The following PMS2 variants were observed in gnomAD, a reference collection of about 807,000 sequenced individuals.
The protein encoded by PMS2 is mismatch repair endonuclease PMS2.
PMS2 carries 69 observed loss-of-function variants against 90.0 expected under a neutral mutation model. The observed-to-expected ratio is 0.77, with a 90% CI of 0.63 to 0.94. PMS2 has a LOEUF of 0.94. PMS2 is among the 40% of genes least tolerant of loss of function. The probability of loss-of-function intolerance (pLI) is 0.00; values close to 1 mark genes in which losing one functional copy is unlikely to be tolerated. For synonymous variants in PMS2, 332 were observed against 375.1 expected (o/e 0.89, Z 1.33); for missense variants, 966 against 1,040.2 (o/e 0.93, Z 0.98).
At chr7:5,990,186 T>C (rs1783582225) in intron 9 of PMS2, among the ~76,000 whole-genome samples, 1 of 152,134 alleles carries the variant, frequency 6.6e-6, no homozygotes, top group Admixed American at 6.5e-5. Context: ...TTTTGTATTT[T>C]TAGTAGAGAT....
At chr7:6,009,063 C>G (rs1161964417), upstream of PMS2, 4 of 1,607,008 alleles carry the variant, frequency 2.5e-6, no homozygotes, top group Admixed American at 3.3e-5. Context: ...AAAGTTCCCT[C>G]CAGGGCTCCC....
intron 11 of PMS2, 146 bp downstream of exon 11, chr7:5,986,611 GAA>G: frequency 1.8e-6 from 1 of 565,984 alleles, no homozygotes; most frequent in Non-Finnish European, 3.0e-6. Flanking sequence ...AGAAACGCTT[GAA>G]CCCGGGAGGT....
At chr7:5,988,908 TGCAGTG>T (rs1230186440) in intron 10 of PMS2, among the ~76,000 whole-genome samples, 1 of 152,060 alleles carries the variant, frequency 6.6e-6, no homozygotes, top group Non-Finnish European at 1.5e-5. Flanking sequence ...CAGGCTGGAG[TGCAGTG>T]GCACAATCTT....
intron 2 of PMS2, among the ~76,000 whole-genome samples, chr7:6,004,642 G>C (rs1277069973): frequency 6.6e-6 from 1 of 151,386 alleles, no homozygotes; most frequent in Non-Finnish European, 1.5e-5. Flanking sequence ...TTGAACCCAG[G>C]AGGTGGAGGT....
At position 6,008,973 on chromosome 7, in the gene PMS2, C is replaced by T. The variant is rs1258175478; in HGVS notation, c.23+24G>A. On this transcript the variant is annotated intron_variant, in intron 1 of 14. Coordinates refer to ENST00000265849, the MANE Select transcript of PMS2 (RefSeq NM_000535.7). The stretch of plus-strand genomic sequence containing the variant: ...AAAGAGGGCGCGCGAGAGGGGACAC[C>T]GGAAGACTGCGAGCCCCGCTCACCT... 3 of 1,612,436 alleles carry T rather than the reference C, an allele frequency of 1.9e-6. No homozygotes were observed. In the Admixed American group the frequency reaches 5.0e-5, roughly 27 times the overall value.
chr7:5,990,359 T>C (rs796812288), intron 9 of PMS2, among the ~76,000 whole-genome samples: 1 of 152,230 alleles, frequency 6.6e-6, no homozygotes, highest in South Asian at 2.1e-4. Flanking sequence ...CATTCACTTG[T>C]ATTTATCACA....
intron 12 of PMS2, among the ~76,000 whole-genome samples, chr7:5,981,172 G>A (rs1782246936): frequency 1.3e-5 from 2 of 151,776 alleles, no homozygotes; most frequent in African/African-American, 2.4e-5. Context: ...CAGTTTGGCC[G>A]AGGAGAGAGA....
intron 10 of PMS2, among the ~76,000 whole-genome samples, chr7:5,988,307 A>G (rs961666090): frequency 1.1e-4 from 17 of 152,076 alleles, no homozygotes; most frequent in Non-Finnish European, 2.4e-4. Flanking sequence ...TGGCCGGCAC[A>G]GTGGCTCACG....
At chr7:5,996,033 C>T (rs1313458405) in intron 7 of PMS2, among the ~76,000 whole-genome samples, 2 of 152,118 alleles carry the variant, frequency 1.3e-5, no homozygotes, top group African/African-American at 4.8e-5. Flanking sequence ...TGCCCACATT[C>T]CCTCCCCTTT....
intron 5 of PMS2, among the ~76,000 whole-genome samples, chr7:6,001,739 T>C (rs1329198659): frequency 2.0e-5 from 3 of 151,988 alleles, no homozygotes; most frequent in Non-Finnish European, 4.4e-5. Context: ...ATCCCAGCAC[T>C]TTGAGAGGCC....
chr7:5,994,150 A>G (rs1264245775), intron 8 of PMS2, among the ~76,000 whole-genome samples: 1 of 152,034 alleles, frequency 6.6e-6, no homozygotes, highest in African/African-American at 2.4e-5. Flanking sequence ...CGGGAGGCCA[A>G]GGCAGGCAGA....
At chr7:6,000,664 A>G (rs1001131141) in intron 5 of PMS2, among the ~76,000 whole-genome samples, 1 of 152,134 alleles carries the variant, frequency 6.6e-6, no homozygotes, top group African/African-American at 2.4e-5. Context: ...TCTCTACTTT[A>G]GAAAATTTAA....
At chr7:6,003,412 G>T (rs1337337166) in intron 4 of PMS2, 4 of 324,124 alleles carry the variant, frequency 1.2e-5, no homozygotes, top group Non-Finnish European at 2.2e-5. Flanking sequence ...GAAAACCAAT[G>T]GTAACTATCA....
intron 7 of PMS2, among the ~76,000 whole-genome samples, chr7:5,995,958 C>T (rs1230777742): frequency 6.6e-6 from 1 of 152,168 alleles, no homozygotes; most frequent in African/African-American, 2.4e-5. Context: ...CAAATGCATT[C>T]TCAGAACCTC....
At chr7:5,986,636 G>T in intron 11 of PMS2, 123 bp downstream of exon 11, 1 of 727,036 alleles carries the variant, frequency 1.4e-6, no homozygotes, top group Admixed American at 3.2e-5. Context: ...AGGCTGCAGT[G>T]AGCCAAGATC....
intron 5 of PMS2, 57 bp from the exon 6 acceptor site, chr7:5,999,332 A>G (rs2128803052): frequency 6.8e-7 from 1 of 1,478,760 alleles, no homozygotes. Flanking sequence ...TAGGAATTAC[A>G]CAGCTCAAGT....
At chr7:5,979,337 G>A (rs1216980692) in intron 12 of PMS2, among the ~76,000 whole-genome samples, 1 of 146,714 alleles carries the variant, frequency 6.8e-6, no homozygotes, top group Non-Finnish European at 1.5e-5. Context: ...GTTGCAGTGA[G>A]CCAAGATCAC....
intron 14 of PMS2, among the ~76,000 whole-genome samples, chr7:5,977,330 G>C (rs1255296501): frequency 3.4e-5 from 5 of 147,398 alleles, no homozygotes; most frequent in African/African-American, 1.2e-4. Context: ...GCTGGGATTA[G>C]AGGCTTGAGC....
intron 5 of PMS2, among the ~76,000 whole-genome samples, chr7:5,999,885 T>C (rs535142251): frequency 1.8e-4 from 28 of 152,284 alleles, no homozygotes; most frequent in African/African-American, 6.3e-4. Context: ...ATAGAAACAC[T>C]GGCACAAGCA....
Sources: allele counts gnomAD v4.1 joint callset (sites outside exome capture counted in the v4.1 genomes callset), GRCh38; gene constraint gnomAD v4.1.1; transcripts MANE v1.5; gene names NCBI Gene and HGNC (gene_info 2026-07-23, HGNC 2026-07-21).